DOCK8: variants seen among roughly 807,000 people sequenced by gnomAD.
DOCK8 encodes the protein dedicator of cytokinesis 8.
Under a neutral mutation model 245.6 loss-of-function variants are expected in DOCK8, and 141 were observed. The ratio of observed to expected loss-of-function variants is 0.57; its 90% CI spans 0.50 to 0.66. The LOEUF (loss-of-function observed/expected upper bound fraction) is 0.66, where lower values mean the gene tolerates loss of function less well. DOCK8 is among the 30% of genes least tolerant of loss of function. The pLI, the probability that DOCK8 is intolerant of heterozygous loss-of-function variation, is 0.00. For missense variants in DOCK8, 2,965 were observed against 2,603.4 expected, an observed-to-expected ratio of 1.14 and a Z score of -3.02; for synonymous variants, 1,168 against 970.2, an observed-to-expected ratio of 1.20 and a Z score of -3.79.
chr9:292,127 T>G (rs1308280266), intron 4 of DOCK8, among the ~76,000 whole-genome samples: 2 of 146,922 alleles, frequency 1.4e-5, no homozygotes, highest in Non-Finnish European at 3.0e-5. Context: ...TCCCAGCACT[T>G]TGGGAGGCCA....
chr9:273,667 C>A (rs932477587), intron 2 of DOCK8, among the ~76,000 whole-genome samples: 2 of 151,328 alleles, frequency 1.3e-5, no homozygotes, highest in African/African-American at 4.8e-5. Flanking sequence ...TTAACCCTTT[C>A]TCTCCATACC....
rs942547767 is a variant in DOCK8 at position 371,391 on chromosome 9, C to T, written c.1869-37C>T. ...ACAATCAGAGAAGTCATCATTCTTG[C>T]TAAAAGTTATTTGTGTATAATGTGC... is the stretch of plus-strand genomic sequence containing the variant. On this transcript the variant is annotated intron_variant, in intron 16 of 47. Transcript: ENST00000432829. 5 of 1,613,624 alleles carry T rather than the reference C, an allele frequency of 3.1e-6. No homozygotes were observed. The Admixed American group carries it at 6.7e-5, about 22-fold the overall frequency.
At chr9:463,011 T>C (rs2057854413) in intron 46 of DOCK8, among the ~76,000 whole-genome samples, 1 of 152,234 alleles carries the variant, frequency 6.6e-6, no homozygotes, top group Non-Finnish European at 1.5e-5. Context: ...GTAAAACTTC[T>C]TGAAACTTCT....
chr9:391,672 A>G (rs139556911), intron 24 of DOCK8, among the ~76,000 whole-genome samples: 11 of 152,316 alleles, frequency 7.2e-5, no homozygotes, highest in African/African-American at 2.4e-4. Flanking sequence ...TAATGAGATG[A>G]TGTTGAATGA....
At chr9:356,901 C>T (rs1331686143) in intron 14 of DOCK8, among the ~76,000 whole-genome samples, 1 of 151,926 alleles carries the variant, frequency 6.6e-6, no homozygotes, top group African/African-American at 2.4e-5. Flanking sequence ...CAATCAGGAT[C>T]GGGGAGAGAA....
intron 1 of DOCK8, among the ~76,000 whole-genome samples, chr9:220,418 G>T (rs2046854782): frequency 6.6e-6 from 1 of 152,174 alleles, no homozygotes; most frequent in Non-Finnish European, 1.5e-5. Context: ...GTAGTAACAT[G>T]TAGTTGCCCA....
chr9:441,932 G>A lies in DOCK8; in HGVS notation c.5413G>A (p.Gly1805Arg). 2 of 1,614,082 alleles carry A rather than the reference G, an allele frequency of 1.2e-6. No homozygotes were observed. Among genetic ancestry groups the A allele is most frequent in the African/African-American group, 1.3e-5 (1 of 75,018 alleles). Residue 1805 changes from glycine (G) to arginine (R), a missense_variant, in exon 42 of 48, where the codon GGG (glycine) becomes AGG (arginine). By Grantham distance (125) the Gly-to-Arg change is moderately radical. Transcript: ENST00000432829. ...AGTTGGTTTCTTTGGATCCAAATTTGGGGATTTGGATGAACAGGAGTTTGT... is the reference window on the plus strand; with the variant it reads ...AGTTGGTTTCTTTGGATCCAAATTTAGGGATTTGGATGAACAGGAGTTTGT... ...FRVGFFGSKFGDLDEQEFVYK... is the reference protein window; with the variant it reads ...FRVGFFGSKFRDLDEQEFVYK...
At chr9:328,797 T>C (rs542404180) in intron 9 of DOCK8, among the ~76,000 whole-genome samples, 1 of 152,026 alleles carries the variant, frequency 6.6e-6, no homozygotes, top group South Asian at 2.1e-4. Context: ...CAATTGTAAG[T>C]AGAAGAGCCT....
At chr9:230,751 TG>T (rs1172764723) in intron 1 of DOCK8, among the ~76,000 whole-genome samples, 3 of 152,072 alleles carry the variant, frequency 2.0e-5, no homozygotes, top group African/African-American at 7.3e-5. Flanking sequence ...TGGGGTTGTT[TG>T]TTTTTTTCTT....
At position 234,796 on chromosome 9, in the gene DOCK8, G is replaced by A. The variant is rs572993050; in HGVS notation, c.53+19767G>A. ...CATTGGTTATTCTAGTTATCCATTC[G>A]TCTATTTTTTTTTCAAAGCTTTTAA... On this transcript the variant is annotated intron_variant, in intron 1 of 47. Coordinates refer to ENST00000432829, the MANE Select transcript of DOCK8 (RefSeq NM_203447.4). 7.8e-3 allele frequency among the ~76,000 whole-genome samples: 1,165 copies of A among 148,584 alleles called. 13 individuals carry two copies. Among genetic ancestry groups the A allele is most frequent in the Admixed American group, 0.017 (254 of 14,604 alleles).
At chr9:272,886 C>A in intron 2 of DOCK8, 1 of 211,744 alleles carries the variant, frequency 4.7e-6, no homozygotes, top group Non-Finnish European at 8.2e-6. Flanking sequence ...TGAGAGAGCT[C>A]CAGCCCTCCT....
At chr9:446,271 G>A (rs975256614) in intron 43 of DOCK8, 99 bp from the exon 44 acceptor site, 25 of 991,378 alleles carry the variant, frequency 2.5e-5, no homozygotes, top group South Asian at 1.0e-4. Context: ...TGGGCAGGGC[G>A]GTGCCGGCAC....
At chr9:384,312 T>C (rs562318969) in intron 22 of DOCK8, among the ~76,000 whole-genome samples, 1 of 152,324 alleles carries the variant, frequency 6.6e-6, no homozygotes, top group Non-Finnish European at 1.5e-5. Context: ...TAGCCTGAAT[T>C]TTTTCTCCAA....
chr9:280,858 T>C (rs1217625328), intron 2 of DOCK8: 1 of 152,200 alleles, frequency 6.6e-6, no homozygotes, highest in Non-Finnish European at 1.5e-5. Flanking sequence ...TTCAAGGAAA[T>C]GTAGTTCAGC....
At chr9:422,786 A>G (rs2056327078) in intron 33 of DOCK8, among the ~76,000 whole-genome samples, 1 of 152,264 alleles carries the variant, frequency 6.6e-6, no homozygotes, top group East Asian at 1.9e-4. Flanking sequence ...GTAGTTCGAG[A>G]CTAGCCTGGC....
chr9:333,545 G>C (rs954550259), intron 10 of DOCK8, among the ~76,000 whole-genome samples: 5 of 151,540 alleles, frequency 3.3e-5, no homozygotes, highest in Admixed American at 2.6e-4. Flanking sequence ...AGGTTGCAGT[G>C]AGCCGAGATC....
chr9:242,880 A>G (rs908351283), intron 1 of DOCK8, among the ~76,000 whole-genome samples: 4 of 151,942 alleles, frequency 2.6e-5, no homozygotes, highest in Non-Finnish European at 5.9e-5. Flanking sequence ...ATTTACTTTC[A>G]AGAAAGTTGG....
In DOCK8 at chr9:340,282, T is replaced by A; in HGVS notation, c.1640T>A (p.Phe547Tyr). The change falls in exon 14 of 48, where the codon TTT (phenylalanine) becomes TAT (tyrosine). Residue 547 changes from phenylalanine to tyrosine, a missense_variant. Phe to Tyr is a conservative substitution (Grantham distance 22, BLOSUM62 3). Transcript: ENST00000432829. ...CGCCCGCACAAAGAGATTTTGGAAT[T>A]TCCAACACGAGAAGTATATGTCCCT... ...RTRPHKEILE[F>Y]PTREVYVPHT... is the part of the protein sequence containing the mutation. 6.2e-7 allele frequency: 1 copy of A among 1,614,156 alleles called. No homozygotes were observed. Among genetic ancestry groups the A allele is most frequent in the Non-Finnish European group, 8.5e-7 (1 of 1,180,018 alleles).
chr9:422,287 G>A (rs1317151596), intron 33 of DOCK8, 152 bp downstream of exon 33: 1 of 763,674 alleles, frequency 1.3e-6, no homozygotes, highest in East Asian at 2.7e-5. Context: ...AGGGACCCAG[G>A]ATAATCAAAG....
Sources: allele counts gnomAD v4.1 joint callset (sites outside exome capture counted in the v4.1 genomes callset), GRCh38; gene constraint gnomAD v4.1.1; transcripts MANE v1.5; gene names NCBI Gene and HGNC (gene_info 2026-07-23, HGNC 2026-07-21).